The following ZNF687 variants were observed in gnomAD, a reference collection of about 807,000 sequenced individuals.
ZNF687 encodes the protein zinc finger protein 687.
Under a neutral mutation model 71.8 loss-of-function variants are expected in ZNF687, and 13 were observed. The observed-to-expected ratio is 0.18, with a 90% CI of 0.12 to 0.29. ZNF687 has a LOEUF of 0.29. ZNF687 is among the 10% of genes least tolerant of loss of function. ZNF687 has a pLI of 1.00. For synonymous variants in ZNF687, 673 were observed against 641.6 expected, an observed-to-expected ratio of 1.05 and a Z score of -0.74; for missense variants, 1,412 against 1,625.6, an observed-to-expected ratio of 0.87 and a Z score of 2.26.
At chr1:151,288,857 TCCCGTCGTCCC>T (rs1694069403) in intron 3 of ZNF687, 151 bp downstream of exon 3, 1 of 1,092,634 alleles carries the variant, frequency 9.2e-7, no homozygotes, top group Non-Finnish European at 1.3e-6. Flanking sequence ...CGTCCTGCCT[TCCCGTCGTCCC>T]CCATGGAGAT....
rs1391357366 is a variant in ZNF687 at position 151,287,052 on chromosome 1, C to T, written c.761C>T (p.Pro254Leu). Residue 254 changes from proline to leucine, a missense_variant, in exon 2 of 9, where the codon CCT becomes CTT. By Grantham distance (98) the Pro-to-Leu change is moderately conservative (BLOSUM62 -3). Coordinates refer to ENST00000336715, the MANE Select transcript of ZNF687 (RefSeq NM_020832.3). This position sits in a 1 kb window ranked among gnomAD's most constrained non-coding sequence, Gnocchi z 5.0. ...ACGGACATCCCTGCCAGTGCCTCGC[C>T]TCCCCCAGTTGCTGGGGTGCCCTTC... Reference protein sequence around the residue: ...KATDIPASASPPPVAGVPFFK... With the variant: ...KATDIPASASLPPVAGVPFFK... 6.2e-7 allele frequency: 1 copy of T among 1,610,194 alleles called. No homozygotes were observed. Among genetic ancestry groups the T allele is most frequent in the East Asian group, 2.2e-5 (1 of 44,776 alleles).
chr1:151,284,513 T>C (rs1693861464), intron 1 of ZNF687, among the ~76,000 whole-genome samples: 1 of 152,170 alleles, frequency 6.6e-6, no homozygotes, highest in South Asian at 2.1e-4. Flanking sequence ...TTGGGTAATT[T>C]CCTTGAGTCC....
rs1283050405 is a variant in ZNF687, at chr1:151,288,415, C to T, written c.2115+9C>T. 2 of 1,600,060 alleles carry T rather than the reference C, an allele frequency of 1.2e-6. No homozygotes were observed. Among genetic ancestry groups the T allele is most frequent in the East Asian group, 2.2e-5 (1 of 44,728 alleles). On this transcript the variant is annotated intron_variant, in intron 2 of 8. Transcript: ENST00000336715. ...CTGGGGCCACCAGCAATGTGAGTCA[C>T]CTTTCACAGCCCTTCTGTGGGGACA...
At chr1:151,290,255 CCTCTTCCTGCCCAGCACGTGA>C (rs1398456487) in intron 7 of ZNF687, 21 bp downstream of exon 7, 6 of 1,612,744 alleles carry the variant, frequency 3.7e-6, no homozygotes, top group Non-Finnish European at 5.1e-6. Context: ...CTCCCCGCTT[CCTCTTCCTGCCCAGCACGTGA>C]CTCTCCCTGT....
chr1:151,290,425 A>G lies in ZNF687; in HGVS notation c.3078-7A>G. The G allele has an allele frequency of 1.9e-6, 3 of 1,613,706 alleles. No homozygotes were observed. Among genetic ancestry groups the G allele is most frequent in the Non-Finnish European group, 2.5e-6 (3 of 1,180,004 alleles). Reference sequence around the variant, plus strand: ...CGCTGCTGCCATCCTGTCCTCTCCCATTTCAGGTATTGCACAGAGGGAAAA... The same window carrying G: ...CGCTGCTGCCATCCTGTCCTCTCCCGTTTCAGGTATTGCACAGAGGGAAAA... On this transcript the variant is annotated splice_region_variant and splice_polypyrimidine_tract_variant and intron_variant, in intron 7 of 8. Coordinates refer to ENST00000336715, the MANE Select transcript of ZNF687 (RefSeq NM_020832.3).
rs747604821 is a variant in ZNF687 at position 151,287,164 on chromosome 1, G to T, written c.873G>T (p.Glu291Asp). The stretch of plus-strand genomic sequence containing the variant: ...CCTTGAAGGAAGAAGATGATGATGA[G>T]GGGCCAGTGGACAAGTCTTCCCCAG... ...CQPLKEEDDD[E>D]GPVDKSSPGS... Residue 291 changes from glutamate (E) to aspartate (D), a missense_variant, in exon 2 of 9, where the codon GAG becomes GAT. Coordinates refer to ENST00000336715, the MANE Select transcript of ZNF687 (RefSeq NM_020832.3). This position sits in a 1 kb window ranked among gnomAD's most constrained non-coding sequence, Gnocchi z 5.0. The T allele has an allele frequency of 9.3e-6, 15 of 1,614,070 alleles. No homozygotes were observed. The East Asian group carries it at 3.1e-4, about 34-fold the overall frequency.
chr1:151,283,216 G>A (rs1430990886), intron 1 of ZNF687: 2 of 985,338 alleles, frequency 2.0e-6, no homozygotes. Flanking sequence ...GCCCTCGGCA[G>A]ATGGCAGGGA....
At chr1:151,282,281 G>A, upstream of ZNF687, 1 of 1,005,592 alleles carries the variant, frequency 9.9e-7, no homozygotes, top group Non-Finnish European at 1.2e-6. Flanking sequence ...GAGTGGGGAG[G>A]CCGAACCGGA....
intron 1 of ZNF687, 69 bp downstream of exon 1, chr1:151,282,464 G>T (rs1693753269): frequency 7.3e-6 from 7 of 962,224 alleles, no homozygotes; most frequent in African/African-American, 1.8e-5. Flanking sequence ...AAATACCCCC[G>T]CCCCTCCCCC....
chr1:151,290,956 G>C lies in ZNF687; in HGVS notation c.3461G>C (p.Arg1154Pro), dbSNP rs3748547. ...TCCCCTGGCTCCCTGAGCCGACACC[G>C]TTTCATCAGCCACAAGAAGAGACGG... The part of the protein sequence containing the change: ...FASPGSLSRH[R>P]FISHKKRRGV... The change falls in exon 9 of 9, where the codon CGT (arginine) becomes CCT (proline). Residue 1154 changes from arginine (R) to proline (P), a missense_variant. Physicochemically the swap from Arg to Pro is moderately radical, Grantham distance 103. Around this residue, in one of 8 missense-constraint regions of ZNF687, gnomAD observed 284 missense variants for 359.2 expected, o/e 0.79. Coordinates refer to ENST00000336715, the MANE Select transcript of ZNF687 (RefSeq NM_020832.3). The C allele has an allele frequency of 9.9e-6, 16 of 1,613,856 alleles. No individual in the cohort carries two copies. Among genetic ancestry groups the C allele is most frequent in the Non-Finnish European group, 1.3e-5 (15 of 1,180,008 alleles).
Position 151,290,779 on chromosome 1 carries a change from C to T in ZNF687, c.3284C>T (p.Pro1095Leu), listed in dbSNP as rs376641944. 25 of 1,613,498 alleles carry T rather than the reference C, an allele frequency of 1.5e-5. No individual in the cohort carries two copies. The highest frequency in any genetic ancestry group is 1.3e-4 in the Admixed American group (8 of 59,984). ...AGTGAGGAGCCTGACAGCACGACAC[C>T]GCCAGCCAAGTCCCCCAGGGGCGGA... ...SCSEEPDSTT[P>L]PAKSPRGGPG... Residue 1095 changes from proline to leucine, a missense_variant, in exon 9 of 9, where the codon CCG becomes CTG. By Grantham distance (98) the Pro-to-Leu change is moderately conservative. Transcript: ENST00000336715.
chr1:151,282,185 G>T (rs1693737780), upstream of ZNF687: 2 of 1,097,612 alleles, frequency 1.8e-6, no homozygotes, highest in Middle Eastern at 2.7e-4. Flanking sequence ...GGGCTGGAAG[G>T]GGCACAGGGC....
intron 7 of ZNF687, 62 bp from the exon 8 acceptor site, chr1:151,290,370 G>C: frequency 6.2e-7 from 1 of 1,613,166 alleles, no homozygotes; most frequent in Non-Finnish European, 8.5e-7. Context: ...CCCCTCCTCA[G>C]AAGCAAGGGC....
intron 5 of ZNF687, 46 bp downstream of exon 5, chr1:151,289,586 C>T (rs746612981): frequency 1.1e-5 from 17 of 1,612,124 alleles, no homozygotes; most frequent in Non-Finnish European, 1.3e-5. Flanking sequence ...CTGTACTGAC[C>T]TGGGGCTGGG....
At position 151,287,179 on chromosome 1, in the gene ZNF687, G is replaced by A. The variant is rs1186231477; in HGVS notation, c.888G>A (p.Lys296=). ...ATGATGATGAGGGGCCAGTGGACAAGTCTTCCCCAGGAAGTCCCCAGAGTC... is the reference window on the plus strand; with the variant it reads ...ATGATGATGAGGGGCCAGTGGACAAATCTTCCCCAGGAAGTCCCCAGAGTC... The part of the protein sequence containing the change: ...EEDDDEGPVD[K]SSPGSPQSPS... Residue 296 remains lysine, a synonymous_variant, in exon 2 of 9, where the codon AAG becomes AAA. Transcript: ENST00000336715. This position sits in a 1 kb window ranked among gnomAD's most constrained non-coding sequence, Gnocchi z 5.0. 10 of 1,614,078 alleles carry A rather than the reference G, an allele frequency of 6.2e-6. No homozygotes were observed. Among genetic ancestry groups the A allele is most frequent in the Non-Finnish European group, 7.6e-6 (9 of 1,180,032 alleles).
intron 1 of ZNF687, chr1:151,285,322 TATTG>T (rs1485958149): frequency 3.3e-5 from 5 of 152,068 alleles, no homozygotes; most frequent in Non-Finnish European, 7.4e-5. Context: ...TTAATAATAG[TATTG>T]ATTATTTGGT....
intron 3 of ZNF687, 137 bp from the exon 4 acceptor site, chr1:151,288,958 C>T: frequency 1.9e-6 from 2 of 1,076,414 alleles, no homozygotes; most frequent in South Asian, 1.6e-5. Context: ...CACCTCTCTC[C>T]TTTCTCCACC....
chr1:151,289,009 C>A, intron 3 of ZNF687, 86 bp from the exon 4 acceptor site: 1 of 1,425,196 alleles, frequency 7.0e-7, no homozygotes, highest in Non-Finnish European at 9.7e-7. Flanking sequence ...TGTAGTCTAC[C>A]CAGTCCCAGA....
At chr1:151,284,706 C>G (rs992915982) in intron 1 of ZNF687, among the ~76,000 whole-genome samples, 1 of 150,840 alleles carries the variant, frequency 6.6e-6, no homozygotes, top group South Asian at 2.1e-4. Context: ...AATAGTAAAT[C>G]GTATTCTTGG....
Sources: allele counts gnomAD v4.1 joint callset (sites outside exome capture counted in the v4.1 genomes callset), GRCh38; gene constraint gnomAD v4.1.1; regional missense constraint gnomAD v4.1.1; non-coding constraint Gnocchi (gnomAD v3.1); transcripts MANE v1.5; gene names NCBI Gene and HGNC (gene_info 2026-07-23, HGNC 2026-07-21).